LAMA4: variants seen among roughly 807,000 people sequenced by gnomAD.
LAMA4 encodes laminin subunit alpha-4.
LAMA4 carries 127 observed loss-of-function variants against 207.1 expected under a neutral mutation model. The observed-to-expected ratio is 0.61, with a 90% CI of 0.53 to 0.71. The LOEUF (loss-of-function observed/expected upper bound fraction) is 0.71, where lower values mean the gene tolerates loss of function less well. Ranked by LOEUF, LAMA4 falls within the 30% of genes least tolerant of loss-of-function variation. The probability of loss-of-function intolerance (pLI) is 0.00; values close to 1 mark genes in which losing one functional copy is unlikely to be tolerated. For missense variants in LAMA4, 2,093 were observed against 2,246.5 expected (o/e 0.93, Z 1.38); for synonymous variants, 761 against 816.0 (o/e 0.93, Z 1.15).
At chr6:112,172,545 G>T in intron 12 of LAMA4, 66 bp downstream of exon 12, 1 of 1,451,076 alleles carries the variant, frequency 6.9e-7, no homozygotes, top group Non-Finnish European at 9.7e-7. Flanking sequence ...TATATCAACA[G>T]CCCCTTCTTG....
At chr6:112,130,632 A>G (rs1288892463) in intron 29 of LAMA4, among the ~76,000 whole-genome samples, 3 of 152,132 alleles carry the variant, frequency 2.0e-5, no homozygotes, top group African/African-American at 7.2e-5. Context: ...CAAGGTCTAA[A>G]CAAGACCAAT....
In LAMA4 at chr6:112,187,658, G is replaced by A. The variant is rs1782774024; in HGVS notation, c.815-57C>T. ...GTCAAAAGCATGCTAAAGGCAGGCC[G>A]TTTTAGCAGAACATAAATCTCTATT... On this transcript the variant is annotated intron_variant, in intron 7 of 38. Coordinates refer to ENST00000230538, the MANE Select transcript of LAMA4 (RefSeq NM_001105206.3). 3.9e-6 allele frequency: 6 copies of A among 1,536,750 alleles called. No homozygotes were observed. In the African/African-American group the frequency reaches 4.1e-5, roughly 10 times the overall value.
At chr6:112,172,513 A>G (rs1781773442) in intron 12 of LAMA4, 98 bp downstream of exon 12, 2 of 1,070,208 alleles carry the variant, frequency 1.9e-6, no homozygotes, top group Non-Finnish European at 1.4e-6. Context: ...GTATTTAACT[A>G]TACCAATATT....
At chr6:112,235,718 T>C (rs1177979229) in intron 2 of LAMA4, among the ~76,000 whole-genome samples, 1 of 152,192 alleles carries the variant, frequency 6.6e-6, no homozygotes, top group Non-Finnish European at 1.5e-5. Flanking sequence ...GGATGTTTTG[T>C]TTATTTTTAT....
Position 112,175,337 on chromosome 6 carries a change from C to A in LAMA4, c.1333G>T (p.Glu445Ter). The change falls in exon 11 of 39, where the codon GAG becomes TAG. Residue 445 changes from glutamate to a stop codon, truncating the protein, a stop_gained. Transcript: ENST00000230538. LOFTEE classifies it high-confidence loss of function. Reference sequence around the variant, plus strand: ...CGTTCGTAAGCCTCATCTGCCTCCTCATCCACGAGCTCCCGTTGGGTGAAA... The same window carrying A: ...CGTTCGTAAGCCTCATCTGCCTCCTAATCCACGAGCTCCCGTTGGGTGAAA... ...PFFTQRELVDEEADEAYELLS... is the reference protein window; with the variant it reads ...PFFTQRELVD The A allele has an allele frequency of 6.2e-7, 1 of 1,614,170 alleles. No homozygotes were observed. The highest frequency in any genetic ancestry group is 2.2e-5 in the East Asian group (1 of 44,884).
chr6:112,235,122 C>T (rs948808657), intron 2 of LAMA4, among the ~76,000 whole-genome samples: 30 of 152,130 alleles, frequency 2.0e-4, no homozygotes, highest in African/African-American at 7.0e-4. Flanking sequence ...TAGAACTGTC[C>T]TGCCTCCCAA....
Position 112,109,527 on chromosome 6 carries a change from G to A in LAMA4, c.5382C>T (p.Arg1794=). The A allele has an allele frequency of 6.2e-7, 1 of 1,614,078 alleles. No individual in the cohort carries two copies. The highest frequency in any genetic ancestry group is 8.5e-7 in the Non-Finnish European group (1 of 1,179,986). ...APSKPFTGCI[R]HFVIDGHPVS... ...CTGGGTGTCCATCAATCACAAAGTG[G>A]CGTATGCAGCCTGTGAAGGGTTTGC... Residue 1794 remains arginine (R), a synonymous_variant, in exon 39 of 39, where the codon CGC becomes CGT. Transcript: ENST00000230538.
rs1320599928 is a variant in LAMA4, at chr6:112,190,936, TTTCTTTCTTTCC to T, written c.718+688_718+699del. On this transcript the variant is annotated intron_variant, in intron 6 of 38. Transcript: ENST00000230538. ...CTTTCTTTCTTTCTTTCTTTCTTTC[TTTCTTTCTTTCC>T]TTTCTTTCTTTCTTTCTTTCTTTCT... 3.0e-3 allele frequency among the ~76,000 whole-genome samples: 204 copies of T among 68,850 alleles called. 4 individuals are homozygous for T. The highest frequency in any genetic ancestry group is 0.017 in the South Asian group (32 of 1,848). 45.2% of individuals were successfully genotyped at this position (68,850 alleles called of 152,430 possible).
At chr6:112,122,847 G>A (rs73532607) in intron 31 of LAMA4, among the ~76,000 whole-genome samples, 9,633 of 152,138 alleles carry the variant, frequency 0.063, 984 homozygotes, top group African/African-American at 0.22. Flanking sequence ...AAAAGTAAAT[G>A]CAAATAAATT....
intron 5 of LAMA4, among the ~76,000 whole-genome samples, chr6:112,200,417 C>T (rs556706614): frequency 1.3e-5 from 2 of 152,294 alleles, no homozygotes; most frequent in South Asian, 2.1e-4. Context: ...AATAGGAATG[C>T]TTTTACACTG....
At chr6:112,253,704 A>C (rs2114483672) in intron 2 of LAMA4, 1 of 1,587,074 alleles carries the variant, frequency 6.3e-7, no homozygotes, top group East Asian at 2.2e-5. Context: ...GGATGAACTC[A>C]GAGCACCAAC....
chr6:112,160,094 C>T (rs1037964115), intron 13 of LAMA4, among the ~76,000 whole-genome samples: 1 of 152,088 alleles, frequency 6.6e-6, no homozygotes, highest in African/African-American at 2.4e-5. Flanking sequence ...ATAAGGCAAC[C>T]TCCTTGGTCT....
intron 12 of LAMA4, among the ~76,000 whole-genome samples, chr6:112,167,037 A>G (rs1781421376): frequency 6.6e-6 from 1 of 152,208 alleles, no homozygotes; most frequent in South Asian, 2.1e-4. Context: ...TGTTCATCTG[A>G]TAAGTTTTTA....
At chr6:112,200,980 A>G (rs1554352224) in intron 5 of LAMA4, among the ~76,000 whole-genome samples, 1 of 151,992 alleles carries the variant, frequency 6.6e-6, no homozygotes. Flanking sequence ...GTGTATACCT[A>G]TGTAAGAAAC....
intron 10 of LAMA4, among the ~76,000 whole-genome samples, chr6:112,176,618 C>T (rs1197377199): frequency 6.6e-6 from 1 of 152,142 alleles, no homozygotes; most frequent in African/African-American, 2.4e-5. Context: ...AAAATATTAA[C>T]CTGCGAAATA....
At chr6:112,165,736 T>C (rs1583773232) in intron 12 of LAMA4, among the ~76,000 whole-genome samples, 2 of 152,248 alleles carry the variant, frequency 1.3e-5, no homozygotes, top group Non-Finnish European at 1.5e-5. Flanking sequence ...AATAATCTTA[T>C]TATGTCCTTT....
chr6:112,217,487 T>C (rs1212995499), intron 2 of LAMA4, among the ~76,000 whole-genome samples: 1 of 152,134 alleles, frequency 6.6e-6, no homozygotes, highest in Non-Finnish European at 1.5e-5. Flanking sequence ...CCATTGTAGT[T>C]TGCACTTCCC....
intron 29 of LAMA4, among the ~76,000 whole-genome samples, chr6:112,130,312 G>A (rs1182538659): frequency 6.6e-6 from 1 of 150,802 alleles, no homozygotes; most frequent in African/African-American, 2.4e-5. Flanking sequence ...GTGTGTGTGT[G>A]TGTGTGTGTG....
intron 2 of LAMA4, among the ~76,000 whole-genome samples, chr6:112,243,151 ACACTTAGGCTGTC>A (rs1554188012): frequency 1.1e-4 from 16 of 152,308 alleles, no homozygotes; most frequent in Middle Eastern, 3.4e-3. Context: ...ACATGGAGAC[ACACTTAGGCTGTC>A]TGGGAAGCCT....
Sources: gnomAD v4.1 joint callset for allele counts (sites outside exome capture counted in the v4.1 genomes callset) on GRCh38, gnomAD v4.1.1 for gene constraint, MANE v1.5 for transcripts, NCBI Gene and HGNC (gene_info 2026-07-23, HGNC 2026-07-21) for gene names.